Variants in TENM2 observed in about 807,000 individuals in gnomAD.
TENM2 encodes the protein teneurin-2.
Under a neutral mutation model 245.2 loss-of-function variants are expected in TENM2, and 52 were observed. The ratio of observed to expected loss-of-function variants is 0.21; its 90% confidence interval spans 0.17 to 0.27. TENM2 has a LOEUF of 0.27. Among genes scored for constraint, TENM2 ranks in the 10% least tolerant of loss-of-function variants. The pLI is 1.00. For missense variants in TENM2, 3,046 were observed against 3,666.8 expected (o/e 0.83, Z 4.37); for synonymous variants, 1,363 against 1,438.9 (o/e 0.95, Z 1.19).
the TENM2 span, among the ~76,000 whole-genome samples, chr5:167,179,847 T>A: frequency 2.6e-5 from 4 of 152,092 alleles, no homozygotes; most frequent in Admixed American, 6.6e-5. Context: ...GGAGCTGGAA[T>A]GTCCTGATAT....
In TENM2 at chr5:168,247,469, T is replaced by C; in HGVS notation, c.6530T>C (p.Val2177Ala). Reference sequence around the variant, plus strand: ...CGGTCCCTCATGTACTGGATGACGGTGCAATATGACAGCATGGGCAGGGTG... The same window carrying C: ...CGGTCCCTCATGTACTGGATGACGGCGCAATATGACAGCATGGGCAGGGTG... The change falls in exon 27 of 29, where the codon GTG (valine) becomes GCG (alanine). Residue 2177 changes from valine to alanine, a missense_variant. Coordinates refer to ENST00000518659, the Ensembl canonical transcript of TENM2. This position sits in a 1 kb window ranked among gnomAD's most constrained non-coding sequence, Gnocchi z 7.8. 1 of 1,612,688 alleles carries C rather than the reference T, an allele frequency of 6.2e-7. No homozygotes were observed. The highest frequency in any genetic ancestry group is 8.5e-7 in the Non-Finnish European group (1 of 1,178,944).
At chr5:167,772,397 G>A (rs191834944) in intron 2 of TENM2, among the ~76,000 whole-genome samples, 14 of 152,260 alleles carry the variant, frequency 9.2e-5, no homozygotes, top group Admixed American at 2.6e-4. Flanking sequence ...TCTGACCAAT[G>A]TATCACTGTC....
At chr5:168,205,268 C>T (rs1241910696) in intron 19 of TENM2, among the ~76,000 whole-genome samples, 2 of 151,282 alleles carry the variant, frequency 1.3e-5, no homozygotes, top group Non-Finnish European at 2.9e-5. Flanking sequence ...AAATTTCATT[C>T]AACAAATATT....
chr5:167,111,704 C>G, the TENM2 span, among the ~76,000 whole-genome samples: 6 of 152,118 alleles, frequency 3.9e-5, no homozygotes, highest in African/African-American at 1.4e-4. Context: ...TACAGAAATC[C>G]TAAAACACAG....
chr5:167,451,649 ATT>A (rs35346886), intron 2 of TENM2, among the ~76,000 whole-genome samples: 126 of 145,598 alleles, frequency 8.7e-4, no homozygotes, highest in South Asian at 3.1e-3. Context: ...ATAGCAACTG[ATT>A]TTTTTTTTTT....
chr5:167,684,763 C>T (rs531036736), intron 2 of TENM2, among the ~76,000 whole-genome samples: 15 of 152,286 alleles, frequency 9.8e-5, no homozygotes, highest in Admixed American at 1.3e-4. Flanking sequence ...CTCATCTTTA[C>T]TGAGCACCTA....
intron 2 of TENM2, among the ~76,000 whole-genome samples, chr5:167,709,628 C>T (rs897581387): frequency 1.9e-4 from 29 of 152,334 alleles, no homozygotes; most frequent in African/African-American, 6.7e-4. Context: ...TTCTCTGTCT[C>T]TTTCTCAGGA....
the TENM2 span, among the ~76,000 whole-genome samples, chr5:167,191,529 T>A: frequency 2.0e-5 from 3 of 152,056 alleles, no homozygotes; most frequent in East Asian, 1.9e-4. Context: ...ATTAACTTTA[T>A]GAGCATCATT....
At chr5:167,313,128 C>T (rs757824270) in intron 1 of TENM2, among the ~76,000 whole-genome samples, 11 of 152,048 alleles carry the variant, frequency 7.2e-5, no homozygotes, top group Non-Finnish European at 1.3e-4. Context: ...GCCTCAAACT[C>T]CTGACCTCAA....
chr5:167,309,198 A>G (rs1755867460), intron 1 of TENM2, among the ~76,000 whole-genome samples: 1 of 152,216 alleles, frequency 6.6e-6, no homozygotes, highest in Non-Finnish European at 1.5e-5. Flanking sequence ...TGCTTTGAAT[A>G]TGATACCAGA....
intron 2 of TENM2, among the ~76,000 whole-genome samples, chr5:167,447,758 T>G (rs1765319301): frequency 6.6e-6 from 1 of 152,226 alleles, no homozygotes; most frequent in Non-Finnish European, 1.5e-5. Flanking sequence ...AAACAGTTAA[T>G]GTAGAATACC....
intron 2 of TENM2, among the ~76,000 whole-genome samples, chr5:167,542,935 G>A (rs1045560854): frequency 4.6e-5 from 7 of 152,146 alleles, no homozygotes; most frequent in South Asian, 2.1e-4. Flanking sequence ...CCTGGGATAC[G>A]TCACATGACT....
intron 3 of TENM2, among the ~76,000 whole-genome samples, chr5:167,908,643 T>A (rs1198285388): frequency 4.7e-5 from 5 of 105,604 alleles, no homozygotes; most frequent in Admixed American, 1.2e-4. Flanking sequence ...CCTTCCCTCC[T>A]CTCTTCCCCT....
At chr5:167,087,789 C>T in the TENM2 span, among the ~76,000 whole-genome samples, 1 of 151,218 alleles carries the variant, frequency 6.6e-6, no homozygotes, top group Admixed American at 6.6e-5. Flanking sequence ...GGAGCAATAT[C>T]TCTCTTTTTT....
At chr5:167,748,947 A>G (rs775777600) in intron 2 of TENM2, among the ~76,000 whole-genome samples, 7 of 152,038 alleles carry the variant, frequency 4.6e-5, no homozygotes, top group Non-Finnish European at 8.8e-5. Context: ...GAGTTTTGCT[A>G]TATTGCCTAG....
At chr5:167,353,020 G>A (rs774690240) in intron 1 of TENM2, among the ~76,000 whole-genome samples, 2 of 152,064 alleles carry the variant, frequency 1.3e-5, no homozygotes, top group Admixed American at 6.5e-5. Flanking sequence ...TCAAAGCGGC[G>A]CATAACGACT....
In TENM2 at chr5:167,663,182, G is replaced by GAGAA. The variant is rs1484833285; in HGVS notation, c.503-212801_503-212800insAAGA. Among the ~76,000 whole-genome samples the GAGAA allele has an allele frequency of 5.3e-3, 726 of 137,206 alleles. 3 individuals carry two copies. The highest frequency in any genetic ancestry group is 0.015 in the African/African-American group (513 of 33,802). The allele number at this position is 137,206 out of a possible 152,430, so 90.0% of individuals were successfully genotyped here. On this transcript the variant is annotated intron_variant, in intron 2 of 28. Transcript: ENST00000518659. ...AGAGAGAGAGAGAGAGAGAGAGAGA[G>GAGAA]AGAGAAAGAGAGAGAATGAATGCCT...
At chr5:167,071,930 T>C in the TENM2 span, among the ~76,000 whole-genome samples, 1 of 115,774 alleles carries the variant, frequency 8.6e-6, no homozygotes, top group South Asian at 3.0e-4. Flanking sequence ...ATGCTAGCAC[T>C]CAACGCTTTT....
chr5:167,190,724 G>A, the TENM2 span, among the ~76,000 whole-genome samples: 1 of 151,996 alleles, frequency 6.6e-6, no homozygotes, highest in Admixed American at 6.6e-5. Flanking sequence ...TCCTTTCTAT[G>A]CTTTTCTTTT....
Sources: allele counts gnomAD v4.1 joint callset (sites outside exome capture counted in the v4.1 genomes callset), GRCh38; gene constraint gnomAD v4.1.1; non-coding constraint Gnocchi (gnomAD v3.1); transcripts MANE v1.5; gene names NCBI Gene and HGNC (gene_info 2026-07-23, HGNC 2026-07-21).